The following RANBP2 variants were observed in gnomAD, a reference collection of about 807,000 sequenced individuals.
The protein encoded by RANBP2 is E3 SUMO-protein ligase RanBP2.
Under a neutral mutation model 303.6 loss-of-function variants are expected in RANBP2, and 57 were observed. The ratio of observed to expected loss-of-function variants is 0.19; its 90% CI spans 0.15 to 0.23. The LOEUF (loss-of-function observed/expected upper bound fraction) is 0.23, where lower values mean the gene tolerates loss of function less well. RANBP2 is among the 10% of genes least tolerant of loss of function. The probability of loss-of-function intolerance (pLI) is 1.00; values close to 1 mark genes in which losing one functional copy is unlikely to be tolerated. For missense variants in RANBP2, 3,138 were observed against 3,780.8 expected (o/e 0.83, Z 4.46); for synonymous variants, 1,167 against 1,301.5 (o/e 0.90, Z 2.23).
the RANBP2 span, among the ~76,000 whole-genome samples, chr2:109,351,653 G>A: frequency 3.9e-5 from 6 of 152,212 alleles, no homozygotes; most frequent in Admixed American, 3.3e-4. Flanking sequence ...CAGAGGCCAC[G>A]GGGTTTTCTC....
At chr2:109,697,319 G>A in the RANBP2 span, among the ~76,000 whole-genome samples, 2 of 152,012 alleles carry the variant, frequency 1.3e-5, no homozygotes, top group African/African-American at 4.8e-5. Context: ...GAGAAACCCT[G>A]TCTCTACTAA....
the RANBP2 span, among the ~76,000 whole-genome samples, chr2:109,181,060 A>G: frequency 6.6e-6 from 1 of 152,194 alleles, no homozygotes; most frequent in African/African-American, 2.4e-5. Context: ...CTGTGCACAC[A>G]CAGTACTCAC....
chr2:109,419,738 C>A, the RANBP2 span: 1 of 1,194,438 alleles, frequency 8.4e-7, no homozygotes, highest in Non-Finnish European at 1.2e-6. Flanking sequence ...AGGGTTTTCC[C>A]ATGTGTTACT....
At chr2:108,873,101 T>A in the RANBP2 span, among the ~76,000 whole-genome samples, 1 of 151,932 alleles carries the variant, frequency 6.6e-6, no homozygotes, top group Non-Finnish European at 1.5e-5. Context: ...ATTTACTACT[T>A]AAGCAGAATT....
At chr2:109,537,964 TACACACAC>T in the RANBP2 span, among the ~76,000 whole-genome samples, 2 of 150,778 alleles carry the variant, frequency 1.3e-5, no homozygotes, top group Non-Finnish European at 3.0e-5. Flanking sequence ...CACACACACA[TACACACAC>T]ACACACAAAC....
At chr2:109,524,465 AACAAAAC>A in the RANBP2 span, among the ~76,000 whole-genome samples, 159 of 55,030 alleles carry the variant, frequency 2.9e-3, no homozygotes, top group African/African-American at 0.011. Flanking sequence ...AAAAAAAAAA[AACAAAAC>A]AACACTGGGC....
chr2:109,353,166 C>T, the RANBP2 span, among the ~76,000 whole-genome samples: 4 of 152,368 alleles, frequency 2.6e-5, no homozygotes, highest in Admixed American at 2.0e-4. Context: ...CCCACCTCAC[C>T]CAGTCCTTGC....
At chr2:108,867,194 C>A in the RANBP2 span, among the ~76,000 whole-genome samples, 1 of 152,138 alleles carries the variant, frequency 6.6e-6, no homozygotes, top group East Asian at 1.9e-4. Context: ...TGTCACAGGG[C>A]TAGGGCCAGG....
At chr2:108,719,921 C>A (rs1267317262) in intron 1 of RANBP2, among the ~76,000 whole-genome samples, 1 of 151,814 alleles carries the variant, frequency 6.6e-6, no homozygotes, top group Non-Finnish European at 1.5e-5. Flanking sequence ...GTTCCCGACG[C>A]TTGTTCCCGA....
the RANBP2 span, among the ~76,000 whole-genome samples, chr2:109,278,691 T>C: frequency 6.6e-6 from 1 of 152,236 alleles, no homozygotes; most frequent in Non-Finnish European, 1.5e-5. Context: ...TTACCTTCTT[T>C]GGACCAGCAG....
chr2:108,722,826 G>T (rs1694375055), intron 1 of RANBP2, among the ~76,000 whole-genome samples: 3 of 151,504 alleles, frequency 2.0e-5, no homozygotes, highest in Non-Finnish European at 1.5e-5. Flanking sequence ...TGGAGGCAGA[G>T]GTTGTGGTGA....
At chr2:109,399,215 C>T in the RANBP2 span, among the ~76,000 whole-genome samples, 3 of 152,120 alleles carry the variant, frequency 2.0e-5, no homozygotes, top group African/African-American at 4.8e-5. Context: ...AACACCCACC[C>T]GCCTCATGAC....
chr2:108,852,848 C>G, the RANBP2 span, among the ~76,000 whole-genome samples: 1 of 152,206 alleles, frequency 6.6e-6, no homozygotes, highest in South Asian at 2.1e-4. Context: ...TCCTATGACA[C>G]AAGTGTACCT....
At chr2:108,907,827 C>T in the RANBP2 span, 1 of 1,612,878 alleles carries the variant, frequency 6.2e-7, no homozygotes, top group Non-Finnish European at 8.5e-7. Context: ...AGCCACATCT[C>T]ACAGCTCATC....
the RANBP2 span, among the ~76,000 whole-genome samples, chr2:109,146,687 C>T: frequency 1.3e-5 from 2 of 152,112 alleles, no homozygotes; most frequent in Non-Finnish European, 2.9e-5. Context: ...AGGCTGGGAC[C>T]CTGAGGAAGG....
At chr2:109,632,703 C>T in the RANBP2 span, among the ~76,000 whole-genome samples, 1 of 151,752 alleles carries the variant, frequency 6.6e-6, no homozygotes, top group Non-Finnish European at 1.5e-5. Flanking sequence ...GCCTGTAGTC[C>T]GAGTACTCAG....
the RANBP2 span, among the ~76,000 whole-genome samples, chr2:109,070,481 C>T: frequency 6.6e-6 from 1 of 151,924 alleles, no homozygotes; most frequent in South Asian, 2.1e-4. Context: ...GGTCGTGGAG[C>T]AGATCCTTCA....
At chr2:109,709,395 T>C in the RANBP2 span, among the ~76,000 whole-genome samples, 7 of 149,718 alleles carry the variant, frequency 4.7e-5, no homozygotes. Context: ...AAAACAAAAC[T>C]TTAGCTTTGC....
the RANBP2 span, among the ~76,000 whole-genome samples, chr2:109,048,336 C>T: frequency 6.6e-6 from 1 of 152,158 alleles, no homozygotes; most frequent in Non-Finnish European, 1.5e-5. Flanking sequence ...ACTTATAATA[C>T]CATGGGGACA....
Sources: gnomAD v4.1 joint callset for allele counts (sites outside exome capture counted in the v4.1 genomes callset) on GRCh38, gnomAD v4.1.1 for gene constraint, MANE v1.5 for transcripts, NCBI Gene and HGNC (gene_info 2026-07-23, HGNC 2026-07-21) for gene names.